The following ADAM23 variants were observed in gnomAD, a reference collection of about 807,000 sequenced individuals.
ADAM23 encodes the protein ADAM metallopeptidase domain 23.
ADAM23 carries 33 observed loss-of-function variants against 120.1 expected under a neutral mutation model. The observed-to-expected ratio is 0.27, with a 90% confidence interval of 0.21 to 0.37. The LOEUF is 0.37. Among genes scored for constraint, ADAM23 ranks in the 10% least tolerant of loss-of-function variants. ADAM23 has a pLI of 1.00. For missense variants in ADAM23, 862 were observed against 1,058.2 expected, an observed-to-expected ratio of 0.81 and a Z score of 2.57; for synonymous variants, 367 against 375.2, an observed-to-expected ratio of 0.98 and a Z score of 0.25.
intron 3 of ADAM23, among the ~76,000 whole-genome samples, chr2:206,530,548 G>A (rs750658834): frequency 1.1e-3 from 159 of 151,200 alleles, no homozygotes; most frequent in African/African-American, 2.9e-3. Flanking sequence ...TCCGGGAGGC[G>A]GAGCTTGCAG....
At chr2:206,468,739 T>A (rs1268225896) in intron 2 of ADAM23, among the ~76,000 whole-genome samples, 1 of 152,192 alleles carries the variant, frequency 6.6e-6, no homozygotes, top group Non-Finnish European at 1.5e-5. Flanking sequence ...GGTACCAATT[T>A]TCTGTATTAG....
intron 4 of ADAM23, among the ~76,000 whole-genome samples, chr2:206,541,578 T>C (rs1363447995): frequency 6.6e-5 from 10 of 152,212 alleles, no homozygotes; most frequent in Non-Finnish European, 4.4e-5. Context: ...CTTGTAGTTA[T>C]TATTTGACTT....
chr2:206,523,645 T>G (rs1696889811), intron 3 of ADAM23, among the ~76,000 whole-genome samples: 2 of 152,192 alleles, frequency 1.3e-5, no homozygotes, highest in East Asian at 3.8e-4. Flanking sequence ...TTTTAAAACT[T>G]TAGAAAAGTA....
intron 6 of ADAM23, among the ~76,000 whole-genome samples, chr2:206,545,783 C>G (rs544978869): frequency 1.3e-5 from 2 of 152,274 alleles, no homozygotes; most frequent in Admixed American, 1.3e-4. Context: ...GAAAGATAAT[C>G]TGTGTACAGC....
At chr2:206,585,756 G>A (rs748157215) in intron 18 of ADAM23, among the ~76,000 whole-genome samples, 2 of 151,910 alleles carry the variant, frequency 1.3e-5, no homozygotes, top group Non-Finnish European at 2.9e-5. Flanking sequence ...TTATGATGGG[G>A]CAACAATGAA....
At chr2:206,536,645 G>C (rs1325164499) in intron 4 of ADAM23, among the ~76,000 whole-genome samples, 1 of 152,110 alleles carries the variant, frequency 6.6e-6, no homozygotes, top group Non-Finnish European at 1.5e-5. Flanking sequence ...ATGTTAATTT[G>C]ATTGACTATA....
chr2:206,563,707 G>A (rs1426430761), intron 13 of ADAM23, among the ~76,000 whole-genome samples: 3 of 147,078 alleles, frequency 2.0e-5, no homozygotes, highest in Non-Finnish European at 4.5e-5. Context: ...GCCTGCCATC[G>A]TTCCCTCCTT....
At chr2:206,494,854 C>T (rs1574496405) in intron 3 of ADAM23, among the ~76,000 whole-genome samples, 1 of 152,166 alleles carries the variant, frequency 6.6e-6, no homozygotes, top group African/African-American at 2.4e-5. Flanking sequence ...GACGAATGCA[C>T]AAGCCTCAGT....
chr2:206,570,730 A>G lies in ADAM23; in HGVS notation c.1495-10A>G. On this transcript the variant is annotated splice_polypyrimidine_tract_variant and intron_variant, in intron 15 of 25. Coordinates refer to ENST00000264377, the MANE Select transcript of ADAM23 (RefSeq NM_003812.4). ...GAAACATTTTTCCCTTCTGTCCCTA[A>G]TCTCTTTAGCTATTTGAGCCCACGG... 1 of 1,612,384 alleles carries G rather than the reference A, an allele frequency of 6.2e-7. No homozygotes were observed. The highest frequency in any genetic ancestry group is 8.5e-7 in the Non-Finnish European group (1 of 1,178,604).
At chr2:206,560,238 C>A in intron 11 of ADAM23, 120 bp downstream of exon 11, 2 of 1,071,822 alleles carry the variant, frequency 1.9e-6, no homozygotes, top group Non-Finnish European at 1.3e-6. Flanking sequence ...TCTGTGGGTT[C>A]CTTTGTCTGT....
chr2:206,558,799 A>G (rs951848412), intron 10 of ADAM23, among the ~76,000 whole-genome samples: 1 of 152,218 alleles, frequency 6.6e-6, no homozygotes, highest in African/African-American at 2.4e-5. Context: ...GCTGACCACT[A>G]ATTTTTAAAA....
intron 3 of ADAM23, among the ~76,000 whole-genome samples, chr2:206,485,177 G>C (rs1695986010): frequency 1.3e-5 from 2 of 152,162 alleles, no homozygotes; most frequent in South Asian, 4.1e-4. Flanking sequence ...GGAAATGAGG[G>C]AACTGTGTTA....
At chr2:206,464,460 A>G (rs1695497183) in intron 2 of ADAM23, among the ~76,000 whole-genome samples, 1 of 152,080 alleles carries the variant, frequency 6.6e-6, no homozygotes, top group Non-Finnish European at 1.5e-5. Context: ...CTGTAGTCTC[A>G]GCTACTTGGG....
rs767316491 is a variant in ADAM23, at chr2:206,618,899, A to G, written c.*1272A>G. 28 of 152,298 alleles carry G rather than the reference A, an allele frequency of 1.8e-4. No homozygotes were observed. The highest frequency in any genetic ancestry group is 4.6e-4 in the African/African-American group (19 of 41,564). 9.4% of individuals were successfully genotyped at this position (152,298 alleles called of 1,614,324 possible). On this transcript the variant is annotated 3_prime_UTR_variant, in exon 26 of 26. Transcript: ENST00000264377. ...ATGATTTTGGTTTTCGGTTTTGACA[A>G]TTTTCTTTCCCTGTCTTTAATGTGA...
At chr2:206,556,818 T>C (rs576311030) in intron 9 of ADAM23, among the ~76,000 whole-genome samples, 1 of 152,300 alleles carries the variant, frequency 6.6e-6, no homozygotes, top group East Asian at 1.9e-4. Context: ...TGAAAGGATA[T>C]ACTAAATGCC....
intron 25 of ADAM23, among the ~76,000 whole-genome samples, chr2:206,614,935 C>T (rs1259847032): frequency 6.6e-6 from 1 of 152,040 alleles, no homozygotes; most frequent in East Asian, 1.9e-4. Flanking sequence ...TTCATGGTAC[C>T]AGGCTGGCCA....
At chr2:206,592,515 G>A (rs766993230) in intron 21 of ADAM23, 102 bp from the exon 22 acceptor site, 27 of 1,390,336 alleles carry the variant, frequency 1.9e-5, no homozygotes, top group Non-Finnish European at 2.4e-5. Flanking sequence ...TAGAAAGAAA[G>A]ATAATATTTT....
chr2:206,521,725 C>T (rs1696845979), intron 3 of ADAM23, among the ~76,000 whole-genome samples: 1 of 152,140 alleles, frequency 6.6e-6, no homozygotes, highest in African/African-American at 2.4e-5. Context: ...AGTGTGAAAG[C>T]CTTGAAAGCT....
rs781003693 is a variant in ADAM23, at chr2:206,592,609, A to G, written c.1959-8A>G. The G allele has an allele frequency of 3.1e-6, 5 of 1,613,100 alleles. No individual in the cohort carries two copies. The South Asian group carries it at 4.4e-5, about 14-fold the overall frequency. On this transcript the variant is annotated splice_polypyrimidine_tract_variant and splice_region_variant and intron_variant, in intron 21 of 25. Coordinates refer to ENST00000264377, the MANE Select transcript of ADAM23 (RefSeq NM_003812.4). ...TCTGGTCTGTTTGTTTTCTTTACAC[A>G]TGTTCAGTGATGTGTTCTGTGGATT...
Sources: gnomAD v4.1 joint callset for allele counts (sites outside exome capture counted in the v4.1 genomes callset) on GRCh38, gnomAD v4.1.1 for gene constraint, MANE v1.5 for transcripts, NCBI Gene and HGNC (gene_info 2026-07-23, HGNC 2026-07-21) for gene names.